The following FMN1 variants were observed in gnomAD, a reference collection of about 807,000 sequenced individuals.
The protein encoded by FMN1 is formin 1.
FMN1 carries 110 observed loss-of-function variants against 132.4 expected under a neutral mutation model. The ratio of observed to expected loss-of-function variants is 0.83; its 90% CI spans 0.71 to 0.97. The LOEUF is 0.97. Ranked by LOEUF, FMN1 falls within the 50% of genes least tolerant of loss-of-function variation. FMN1 has a pLI of 0.00. For synonymous variants in FMN1, 722 were observed against 651.7 expected (o/e 1.11, Z -1.64); for missense variants, 1,792 against 1,705.3 (o/e 1.05, Z -0.90).
intron 6 of FMN1, among the ~76,000 whole-genome samples, chr15:33,030,185 T>C (rs1378262936): frequency 5.3e-5 from 8 of 151,918 alleles, no homozygotes; most frequent in Admixed American, 4.6e-4. Context: ...AAACTAAAAC[T>C]GTGTTAAGTA....
intron 4 of FMN1, 37 bp from the exon 5 acceptor site, chr15:33,089,011 A>G: frequency 6.7e-7 from 1 of 1,495,104 alleles, no homozygotes; most frequent in South Asian, 1.3e-5. Context: ...GTGACATGGC[A>G]GCCAAATAAA....
intron 6 of FMN1, among the ~76,000 whole-genome samples, chr15:33,051,532 A>T (rs921202127): frequency 6.6e-6 from 1 of 152,088 alleles, no homozygotes; most frequent in Admixed American, 6.5e-5. Context: ...TGCCAGAGAA[A>T]GGCAGTCTCC....
intron 7 of FMN1, among the ~76,000 whole-genome samples, chr15:32,975,459 CT>C (rs1316187663): frequency 3.3e-5 from 5 of 152,226 alleles, no homozygotes; most frequent in Admixed American, 3.3e-4. Flanking sequence ...GATAAAGATC[CT>C]TTTCTCTTTG....
At chr15:32,828,358 G>T (rs1232431579) in intron 17 of FMN1, among the ~76,000 whole-genome samples, 2 of 152,170 alleles carry the variant, frequency 1.3e-5, no homozygotes, top group Non-Finnish European at 2.9e-5. Flanking sequence ...GCCCAATATG[G>T]TTCATCCTTT....
chr15:32,793,266 T>C (rs971737692), intron 19 of FMN1, among the ~76,000 whole-genome samples: 2 of 152,124 alleles, frequency 1.3e-5, no homozygotes, highest in Admixed American at 6.5e-5. Context: ...TTTTTATTAT[T>C]TGTGATTTCT....
At chr15:33,131,686 C>T (rs1226323566) in intron 4 of FMN1, among the ~76,000 whole-genome samples, 3 of 152,020 alleles carry the variant, frequency 2.0e-5, no homozygotes, top group Admixed American at 6.6e-5. Flanking sequence ...GCAACCAGCC[C>T]GAGCAGCCAT....
chr15:32,981,173 T>C (rs2140768467), intron 7 of FMN1, among the ~76,000 whole-genome samples: 1 of 152,328 alleles, frequency 6.6e-6, no homozygotes, highest in African/African-American at 2.4e-5. Context: ...TAAGATTTTC[T>C]GTAACTAAAA....
chr15:32,939,592 G>A (rs1211661331), intron 9 of FMN1, among the ~76,000 whole-genome samples: 3 of 151,902 alleles, frequency 2.0e-5, no homozygotes, highest in Non-Finnish European at 4.4e-5. Context: ...CTTTTCTTTT[G>A]TTGGATTATA....
intron 6 of FMN1, among the ~76,000 whole-genome samples, chr15:33,019,159 G>A (rs1265723125): frequency 6.6e-6 from 1 of 152,142 alleles, no homozygotes; most frequent in Admixed American, 6.5e-5. Flanking sequence ...ACAGAGAGCT[G>A]ATTGGTCTGT....
chr15:33,093,619 A>G (rs1486749400), intron 4 of FMN1, among the ~76,000 whole-genome samples: 1 of 152,234 alleles, frequency 6.6e-6, no homozygotes, highest in Non-Finnish European at 1.5e-5. Context: ...ACCTAGGTAG[A>G]TACAATTCTG....
chr15:32,980,949 G>C (rs1183160872), intron 7 of FMN1, among the ~76,000 whole-genome samples: 1 of 152,206 alleles, frequency 6.6e-6, no homozygotes, highest in Non-Finnish European at 1.5e-5. Flanking sequence ...GGGAAGCGGA[G>C]GTTGCAGTAA....
At chr15:32,951,666 T>C (rs551659121) in intron 9 of FMN1, among the ~76,000 whole-genome samples, 14 of 152,358 alleles carry the variant, frequency 9.2e-5, no homozygotes, top group Non-Finnish European at 1.6e-4. Context: ...ACCATTGATG[T>C]GCCAAGCCCC....
chr15:33,150,122 G>A (rs1964384375), intron 4 of FMN1: 1 of 985,294 alleles, frequency 1.0e-6, no homozygotes, highest in African/African-American at 1.7e-5. Flanking sequence ...ACTAAAGATT[G>A]GGCATTTCCC....
intron 6 of FMN1, among the ~76,000 whole-genome samples, chr15:33,041,028 G>A (rs2036409760): frequency 6.6e-6 from 1 of 151,858 alleles, no homozygotes; most frequent in Non-Finnish European, 1.5e-5. Context: ...TATTTAAAAT[G>A]GCCAGAAAAA....
At chr15:33,009,112 G>A (rs2034571828) in intron 6 of FMN1, among the ~76,000 whole-genome samples, 1 of 152,146 alleles carries the variant, frequency 6.6e-6, no homozygotes, top group Admixed American at 6.6e-5. Context: ...ACTGTTGTGG[G>A]GAAGGTGCTC....
chr15:32,964,306 A>T (rs375850608), intron 8 of FMN1, 49 bp from the exon 9 acceptor site: 1 of 1,252,938 alleles, frequency 8.0e-7, no homozygotes. Context: ...AACAGGAAGG[A>T]ATGTAATACA....
At chr15:33,160,457 T>C (rs1964844117) in intron 3 of FMN1, among the ~76,000 whole-genome samples, 1 of 152,178 alleles carries the variant, frequency 6.6e-6, no homozygotes, top group African/African-American at 2.4e-5. Flanking sequence ...GGCAAACTCT[T>C]CTCTGTGACA....
At chr15:32,963,233 T>A (rs1438705232) in intron 9 of FMN1, among the ~76,000 whole-genome samples, 3 of 150,842 alleles carry the variant, frequency 2.0e-5, no homozygotes, top group Non-Finnish European at 2.9e-5. Flanking sequence ...CTCAGTAAAC[T>A]ATCACAAGAA....
intron 13 of FMN1, 162 bp from the exon 14 acceptor site, chr15:32,900,287 T>C (rs1265709219): frequency 4.0e-6 from 3 of 758,768 alleles, no homozygotes; most frequent in Non-Finnish European, 6.9e-6. Context: ...AAGCCATGAG[T>C]GTCTTTACAA....
Sources: gnomAD v4.1 joint callset for allele counts (sites outside exome capture counted in the v4.1 genomes callset) on GRCh38, gnomAD v4.1.1 for gene constraint, MANE v1.5 for transcripts, NCBI Gene and HGNC (gene_info 2026-07-23, HGNC 2026-07-21) for gene names.